The following CCKBR variants were observed in gnomAD, a reference collection of about 807,000 sequenced individuals.
CCKBR encodes the protein gastrin/cholecystokinin type B receptor.
A neutral mutation model predicts 34.6 loss-of-function variants in CCKBR; 33 were observed. The observed-to-expected ratio is 0.95, with a 90% CI of 0.72 to 1.27. CCKBR has a LOEUF of 1.27. Ranked by LOEUF, CCKBR falls within the 50% of genes most tolerant of loss-of-function variation. CCKBR has a pLI of 0.00. For synonymous variants in CCKBR, 269 were observed against 267.5 expected (o/e 1.01, Z -0.06); for missense variants, 652 against 617.4 (o/e 1.06, Z -0.59).
At chr11:6,268,604 C>T (rs1472039796) in intron 1 of CCKBR, among the ~76,000 whole-genome samples, 1 of 152,202 alleles carries the variant, frequency 6.6e-6, no homozygotes, top group African/African-American at 2.4e-5. Context: ...GTTTATGTAT[C>T]TGAGTTTACT....
intron 1 of CCKBR, 58 bp downstream of exon 1, chr11:6,260,137 AAT>A: frequency 7.6e-7 from 1 of 1,324,050 alleles, no homozygotes; most frequent in South Asian, 1.3e-5. Context: ...CCAGAACACT[AAT>A]AGAGTCCCCC....
At chr11:6,265,657 C>G (rs1848199099) in intron 1 of CCKBR, among the ~76,000 whole-genome samples, 1 of 152,128 alleles carries the variant, frequency 6.6e-6, no homozygotes. Flanking sequence ...GGTCTCCCTC[C>G]TAAAAGTCCT....
chr11:6,270,302 G>A lies in CCKBR; in HGVS notation c.618G>A (p.Val206=), dbSNP rs1848277728. 6.2e-7 allele frequency: 1 copy of A among 1,613,248 alleles called. No homozygotes were observed. The highest frequency in any genetic ancestry group is 1.3e-5 in the African/African-American group (1 of 75,070). The change falls in exon 3 of 5, where the codon GTG becomes GTA. Residue 206 remains valine, a synonymous_variant. Coordinates refer to ENST00000334619, the MANE Select transcript of CCKBR (RefSeq NM_176875.4). ...TGGGGCCTCGTGTGCTGCAGTGCGT[G>A]CATCGCTGGCCCAGTGCGCGGGTCC... ...QPVGPRVLQC[V]HRWPSARVRQ...
intron 1 of CCKBR, chr11:6,264,702 C>T (rs1395437498): frequency 7.0e-6 from 4 of 572,642 alleles, no homozygotes; most frequent in African/African-American, 6.1e-5. Flanking sequence ...CACTCATATT[C>T]CACCATGCAA....
intron 1 of CCKBR, among the ~76,000 whole-genome samples, chr11:6,265,811 C>A (rs1291141567): frequency 6.6e-6 from 1 of 152,166 alleles, no homozygotes; most frequent in Non-Finnish European, 1.5e-5. Flanking sequence ...CATCTGAAAT[C>A]ATAACCTCTC....
chr11:6,271,392 G>A lies in CCKBR; in HGVS notation c.1193G>A (p.Arg398His), dbSNP rs897640161. ...TACTGCTTCATGCACCGTCGCTTTC[G>A]CCAGGCCTGCCTGGAAACTTGCGCT... ...LVYCFMHRRF[R>H]QACLETCARC... The change falls in exon 5 of 5, where the codon CGC (arginine) becomes CAC (histidine). Residue 398 changes from arginine (R) to histidine (H), a missense_variant. By Grantham distance (29) the Arg-to-His change is conservative (BLOSUM62 0). Transcript: ENST00000334619. 2.5e-6 allele frequency: 4 copies of A among 1,613,816 alleles called. No homozygotes were observed. The highest frequency in any genetic ancestry group is 1.3e-5 in the African/African-American group (1 of 74,908).
chr11:6,262,879 A>T lies in CCKBR; in HGVS notation c.151+2800A>T, dbSNP rs532605853. Among the ~76,000 whole-genome samples the T allele has an allele frequency of 9.8e-4, 149 of 152,276 alleles. 2 individuals carry two copies. The highest frequency in any genetic ancestry group is 1.9e-3 in the Non-Finnish European group (132 of 68,020). ...TGTTGGTGATTGGGCCGAGAGAGGA[A>T]GATTGAAGGTGCAGATAAGAAAGGG... On this transcript the variant is annotated intron_variant, in intron 1 of 4. Transcript: ENST00000334619.
chr11:6,267,607 A>T (rs185654776), intron 1 of CCKBR, among the ~76,000 whole-genome samples: 1 of 152,340 alleles, frequency 6.6e-6, no homozygotes, highest in Non-Finnish European at 1.5e-5. Flanking sequence ...ATACTCTAAA[A>T]TAATGATTGA....
chr11:6,265,227 A>G (rs1296605491), intron 1 of CCKBR, among the ~76,000 whole-genome samples: 1 of 152,258 alleles, frequency 6.6e-6, no homozygotes, highest in Non-Finnish European at 1.5e-5. Flanking sequence ...AATAGCTAGG[A>G]ATGTCCAGTA....
In CCKBR at chr11:6,270,627, C is replaced by T. The variant is rs1163256381; in HGVS notation, c.654-19C>T. 4 of 1,578,540 alleles carry T rather than the reference C, an allele frequency of 2.5e-6. No individual in the cohort carries two copies. The highest frequency in any genetic ancestry group is 3.5e-6 in the Non-Finnish European group (4 of 1,157,840). On this transcript the variant is annotated intron_variant, in intron 3 of 4. Transcript: ENST00000334619. ...ACAGCTGGACAGAAACCCGAGTGAT[C>T]TGTCTGTGTTGCCTTCAGGTCCGTA...
Position 6,270,346 on chromosome 11 carries a change from G to T in CCKBR, c.653+9G>T. 6.2e-7 allele frequency: 1 copy of T among 1,606,740 alleles called. No homozygotes were observed. The highest frequency in any genetic ancestry group is 8.5e-7 in the Non-Finnish European group (1 of 1,175,626). ...CGGGTCCGCCAGACCTGGTGAGCTT[G>T]CCCATAAACTATCCTAGGAATTCCT... On this transcript the variant is annotated intron_variant, in intron 3 of 4. Coordinates refer to ENST00000334619, the MANE Select transcript of CCKBR (RefSeq NM_176875.4).
intron 1 of CCKBR, chr11:6,264,617 T>A (rs1406807358): frequency 1.4e-6 from 1 of 690,908 alleles, no homozygotes; most frequent in Non-Finnish European, 2.6e-6. Flanking sequence ...AAGGCACTTG[T>A]GGATGTACCC....
intron 1 of CCKBR, among the ~76,000 whole-genome samples, chr11:6,265,678 C>T (rs1488889092): frequency 1.3e-5 from 2 of 152,192 alleles, no homozygotes; most frequent in Non-Finnish European, 2.9e-5. Flanking sequence ...TTATTCTCCA[C>T]CATACACACT....
intron 1 of CCKBR, 91 bp downstream of exon 1, chr11:6,260,170 T>TC (rs1848109186): frequency 1.1e-6 from 1 of 895,472 alleles, no homozygotes; most frequent in Non-Finnish European, 1.6e-6. Flanking sequence ...CACACTACCT[T>TC]CTCAAACGTC....
At chr11:6,260,996 AG>A (rs1848120896) in intron 1 of CCKBR, among the ~76,000 whole-genome samples, 1 of 152,224 alleles carries the variant, frequency 6.6e-6, no homozygotes, top group Non-Finnish European at 1.5e-5. Context: ...GTGGGATTCT[AG>A]GTGAAGGAGC....
At chr11:6,269,648 C>A in intron 1 of CCKBR, 21 bp from the exon 2 acceptor site, 1 of 1,608,600 alleles carries the variant, frequency 6.2e-7, no homozygotes, top group Non-Finnish European at 8.5e-7. Context: ...CCTACTGCCA[C>A]CTCTCCCTTT....
chr11:6,270,669 T>G lies in CCKBR; in HGVS notation c.677T>G (p.Leu226Trp). 6.2e-7 allele frequency: 1 copy of G among 1,610,866 alleles called. No individual in the cohort carries two copies. The highest frequency in any genetic ancestry group is 8.5e-7 in the Non-Finnish European group (1 of 1,177,354). ...QTWSVLLLLL[L>W]FFIPGVVMAV... ...AGGTCCGTACTGCTGCTTCTGCTCT[T>G]GTTCTTCATCCCGGGTGTGGTTATG... Residue 226 changes from leucine to tryptophan, a missense_variant, in exon 4 of 5, where the codon TTG becomes TGG. Physicochemically the swap from Leu to Trp is moderately conservative, Grantham distance 61. Transcript: ENST00000334619.
chr11:6,270,427 C>T (rs1848281138), intron 3 of CCKBR, 90 bp downstream of exon 3: 1 of 1,511,664 alleles, frequency 6.6e-7, no homozygotes. Flanking sequence ...TCCAGCTTCC[C>T]GGAGAATTAC....
rs145313566 is a variant in CCKBR, at chr11:6,271,032, G to A, written c.833G>A (p.Arg278His). Residue 278 changes from arginine to histidine, a missense_variant, in exon 5 of 5, where the codon CGT (arginine) becomes CAT (histidine). Arg to His is a conservative substitution (Grantham distance 29). Coordinates refer to ENST00000334619, the MANE Select transcript of CCKBR (RefSeq NM_176875.4). Reference protein sequence around the residue: ...GLPGAVHQNGRCRPETGAVGE... With the variant: ...GLPGAVHQNGHCRPETGAVGE... ...TCAGGGGCTGTTCACCAGAACGGGC[G>A]TTGCCGGCCTGAGACTGGCGCGGTT... is the stretch of plus-strand genomic sequence containing the variant. The A allele has an allele frequency of 6.2e-7, 1 of 1,614,086 alleles. No individual in the cohort carries two copies. The highest frequency in any genetic ancestry group is 1.3e-5 in the African/African-American group (1 of 74,944).
Sources: allele counts gnomAD v4.1 joint callset (sites outside exome capture counted in the v4.1 genomes callset), GRCh38; gene constraint gnomAD v4.1.1; transcripts MANE v1.5; gene names NCBI Gene and HGNC (gene_info 2026-07-23, HGNC 2026-07-21).